PKHD1L1: variants seen among roughly 807,000 people sequenced by gnomAD.
The protein encoded by PKHD1L1 is fibrocystin-L.
A neutral mutation model predicts 462.9 loss-of-function variants in PKHD1L1; 434 were observed. The ratio of observed to expected loss-of-function variants is 0.94; its 90% CI spans 0.87 to 1.02. The LOEUF (loss-of-function observed/expected upper bound fraction) is 1.02, where lower values mean the gene tolerates loss of function less well. Among genes scored for constraint, PKHD1L1 ranks in the 50% least tolerant of loss-of-function variants. PKHD1L1 has a pLI of 0.00. For synonymous variants in PKHD1L1, 1,781 were observed against 1,750.0 expected (o/e 1.02, Z -0.44); for missense variants, 5,202 against 5,096.1 (o/e 1.02, Z -0.63).
rs1820206879 is a variant in PKHD1L1 at position 109,515,236 on chromosome 8, G to A, written c.11620G>A (p.Val3874Ile). The A allele has an allele frequency of 6.2e-7, 1 of 1,602,870 alleles. No individual in the cohort carries two copies. Among genetic ancestry groups the A allele is most frequent in the Non-Finnish European group, 8.5e-7 (1 of 1,172,716 alleles). Reference sequence around the variant, plus strand: ...GGATGTCTATGTGAACAACTTATTGGTCTGTCCAAAAACTACAATATGGAA... The same window carrying A: ...GGATGTCTATGTGAACAACTTATTGATCTGTCCAAAAACTACAATATGGAA... Reference protein sequence around the residue: ...RLDVYVNNLLVCPKTTIWNAQ... With the variant: ...RLDVYVNNLLICPKTTIWNAQ... The change falls in exon 72 of 78, where the codon GTC (valine) becomes ATC (isoleucine). Residue 3874 changes from valine (V) to isoleucine (I), a missense_variant. Physicochemically the swap from Val to Ile is conservative, Grantham distance 29 (BLOSUM62 3). This residue lies in a region of PKHD1L1 where 698 missense variants were observed against 736.3 expected (regional missense o/e 0.95). Coordinates refer to ENST00000378402, the MANE Select transcript of PKHD1L1 (RefSeq NM_177531.6).
Position 109,456,342 on chromosome 8 carries a change from G to GTAACATGGAAACCAGGAGA in PKHD1L1, c.6962_6980dup (p.Ile2327MetfsTer6), listed in dbSNP as rs774108219. 1.7e-5 allele frequency: 28 copies of GTAACATGGAAACCAGGAGA among 1,610,944 alleles called. No homozygotes were observed. Among genetic ancestry groups the GTAACATGGAAACCAGGAGA allele is most frequent in the South Asian group, 1.7e-4 (15 of 90,372 alleles). On this transcript the variant is annotated frameshift_variant, in exon 46 of 78. Coordinates refer to ENST00000378402, the MANE Select transcript of PKHD1L1 (RefSeq NM_177531.6). LOFTEE classifies it high-confidence loss of function. Reference sequence around the variant, plus strand: ...AAGAATTTTAATTTTACAAGAAGCAGTAACATGGAAACCAGGAGATAACAT... The same window carrying GTAACATGGAAACCAGGAGA: ...AAGAATTTTAATTTTACAAGAAGCAGTAACATGGAAACCAGGAGATAACATGGAAACCAGGAGATAACAT...
chr8:109,478,844 G>T (rs1049148051), intron 53 of PKHD1L1, among the ~76,000 whole-genome samples: 9 of 152,032 alleles, frequency 5.9e-5, no homozygotes, highest in Non-Finnish European at 2.9e-5. Flanking sequence ...TTTCATCACT[G>T]GAAATAGTTA....
intron 73 of PKHD1L1, 138 bp downstream of exon 73, chr8:109,518,646 ACC>A: frequency 1.5e-6 from 1 of 655,936 alleles, no homozygotes; most frequent in Non-Finnish European, 2.5e-6. Context: ...GTGCCCAGAG[ACC>A]CTTTTTCCTT....
chr8:109,461,866 A>G lies in PKHD1L1; in HGVS notation c.7341A>G (p.Val2447=), dbSNP rs1817153100. 1.2e-6 allele frequency: 2 copies of G among 1,605,122 alleles called. No homozygotes were observed. The highest frequency in any genetic ancestry group is 1.7e-6 in the Non-Finnish European group (2 of 1,175,412). ...FGGCVMFHAP[V]PGANMVTGRI... ...GCTGCGTTATGTTTCATGCTCCTGTACCTGGTGCTAACATGGTAACTGGGA... is the reference window on the plus strand; with the variant it reads ...GCTGCGTTATGTTTCATGCTCCTGTGCCTGGTGCTAACATGGTAACTGGGA... The change falls in exon 48 of 78, where the codon GTA becomes GTG. Residue 2447 remains valine (V), a synonymous_variant. Transcript: ENST00000378402.
intron 27 of PKHD1L1, among the ~76,000 whole-genome samples, chr8:109,430,563 A>G (rs1563533378): frequency 6.6e-6 from 1 of 152,202 alleles, no homozygotes; most frequent in Non-Finnish European, 1.5e-5. Flanking sequence ...TTCTTCATAA[A>G]TGGTATTATT....
intron 68 of PKHD1L1, among the ~76,000 whole-genome samples, chr8:109,506,383 C>T (rs1819693789): frequency 6.6e-6 from 1 of 152,216 alleles, no homozygotes. Flanking sequence ...ACAAGACTGG[C>T]TGCTTTGTCT....
At position 109,461,779 on chromosome 8, in the gene PKHD1L1, T is replaced by G. The variant is rs776893968; in HGVS notation, c.7254T>G (p.Phe2418Leu). 1.2e-6 allele frequency: 2 copies of G among 1,607,734 alleles called. No homozygotes were observed. The highest frequency in any genetic ancestry group is 4.5e-5 in the East Asian group (2 of 44,770). Reference protein sequence around the residue: ...ACPDGFDTGEFATQTCLQGKF... With the variant: ...ACPDGFDTGELATQTCLQGKF... ...TTAAAAACTGTTTTGAAGGAGAATT[T>G]GCTACACAGACCTGTCTCCAAGGAA... The change falls in exon 48 of 78, where the codon TTT (phenylalanine) becomes TTG (leucine). Residue 2418 changes from phenylalanine (F) to leucine (L), a missense_variant. This residue lies in a region of PKHD1L1 where 4,497 missense variants were observed against 4,336.8 expected (regional missense o/e 1.04). Transcript: ENST00000378402.
rs771127653 is a variant in PKHD1L1 at position 109,443,754 on chromosome 8, C to T, written c.4643C>T (p.Thr1548Ile). ...ATEPLCSLNN[T>I]RVKNSKRLLF... ...GAACCCCTGTGCAGCCTGAACAATACCAGGGTTAAAAATTCAAAAAGATTG... is the reference window on the plus strand; with the variant it reads ...GAACCCCTGTGCAGCCTGAACAATATCAGGGTTAAAAATTCAAAAAGATTG... Residue 1548 changes from threonine (T) to isoleucine (I), a missense_variant, in exon 37 of 78, where the codon ACC becomes ATC. Thr to Ile is a moderately conservative substitution (Grantham distance 89, BLOSUM62 -1). Around this residue, in one of 3 missense-constraint regions of PKHD1L1, gnomAD observed 4,497 missense variants for 4,336.8 expected, o/e 1.04. Coordinates refer to ENST00000378402, the MANE Select transcript of PKHD1L1 (RefSeq NM_177531.6). 5.0e-6 allele frequency: 8 copies of T among 1,613,756 alleles called. No individual in the cohort carries two copies. The South Asian group carries it at 5.5e-5, about 11-fold the overall frequency.
intron 22 of PKHD1L1, 96 bp from the exon 23 acceptor site, chr8:109,420,422 G>A: frequency 3.2e-6 from 2 of 624,564 alleles, no homozygotes; most frequent in Non-Finnish European, 5.0e-6. Flanking sequence ...AGCAACAGAA[G>A]CAATGCAATT....
At position 109,454,724 on chromosome 8, in the gene PKHD1L1, T is replaced by C. The variant is rs1375333318; in HGVS notation, c.6746T>C (p.Ile2249Thr). Residue 2249 changes from isoleucine to threonine, a missense_variant and splice_region_variant, in exon 45 of 78, where the codon ATT becomes ACT. Physicochemically the swap from Ile to Thr is moderately conservative, Grantham distance 89 (BLOSUM62 -1). This residue lies in a region of PKHD1L1 where 4,497 missense variants were observed against 4,336.8 expected (regional missense o/e 1.04). Transcript: ENST00000378402. ...TGGCATTTGTGACATCTTTTGCAGA[T>C]TGGAACAGAGACATCCCCATTCCAA... is the stretch of plus-strand genomic sequence containing the variant. Reference protein sequence around the residue: ...ILITDGGVLQIGTETSPFQHK... With the variant: ...ILITDGGVLQTGTETSPFQHK... The C allele has an allele frequency of 6.2e-7, 1 of 1,613,302 alleles. No individual in the cohort carries two copies. The highest frequency in any genetic ancestry group is 2.2e-5 in the East Asian group (1 of 44,868).
At chr8:109,502,622 C>T (rs866944785) in intron 67 of PKHD1L1, among the ~76,000 whole-genome samples, 43 of 152,312 alleles carry the variant, frequency 2.8e-4, no homozygotes, top group African/African-American at 1.0e-3. Context: ...CACTTAGATC[C>T]TGAGATTTGC....
chr8:109,408,782 G>A (rs1813692492), intron 18 of PKHD1L1, among the ~76,000 whole-genome samples: 2 of 152,168 alleles, frequency 1.3e-5, no homozygotes, highest in Admixed American at 6.5e-5. Context: ...AAAGAGGAGA[G>A]ACGTTTAAAC....
Position 109,444,904 on chromosome 8 carries a change from A to G in PKHD1L1, c.5035A>G (p.Ile1679Val). 1 of 1,614,046 alleles carries G rather than the reference A, an allele frequency of 6.2e-7. No homozygotes were observed. Among genetic ancestry groups the G allele is most frequent in the Non-Finnish European group, 8.5e-7 (1 of 1,179,878 alleles). ...AACTACAGGAATGACAAGCGTGACC[A>G]TAAAAGGCTCTGGATTTGCCGTTTC... ...GSTTGMTSVT[I>V]KGSGFAVSSA... is the part of the protein sequence containing the mutation. The change falls in exon 38 of 78, where the codon ATA (isoleucine) becomes GTA (valine). Residue 1679 changes from isoleucine (I) to valine (V), a missense_variant. Coordinates refer to ENST00000378402, the MANE Select transcript of PKHD1L1 (RefSeq NM_177531.6).
rs755408377 is a variant in PKHD1L1, at chr8:109,523,261, C to T, written c.12359C>T (p.Ala4120Val). Residue 4120 changes from alanine to valine, a missense_variant, in exon 76 of 78, where the codon GCA becomes GTA. By Grantham distance (64) the Ala-to-Val change is moderately conservative. Transcript: ENST00000378402. Reference sequence around the variant, plus strand: ...AACTGTGTATCAGTTGGAATTACTGCACTAACTTTGAGGGCCATACTCAAG... The same window carrying T: ...AACTGTGTATCAGTTGGAATTACTGTACTAACTTTGAGGGCCATACTCAAG... ...DGNCVSVGIT[A>V]LTLRAILKDS... 13 of 1,608,226 alleles carry T rather than the reference C, an allele frequency of 8.1e-6. No individual in the cohort carries two copies. In the African/African-American group the frequency reaches 1.5e-4, roughly 18 times the overall value.
At chr8:109,426,478 G>A (rs959958490) in intron 24 of PKHD1L1, among the ~76,000 whole-genome samples, 1 of 151,690 alleles carries the variant, frequency 6.6e-6, no homozygotes, top group Non-Finnish European at 1.5e-5. Flanking sequence ...TTATTATTTT[G>A]AAATTGATAA....
In PKHD1L1 at chr8:109,384,120, AACT is replaced by A; in HGVS notation, c.469_471del (p.Thr157del). The A allele has an allele frequency of 6.2e-7, 1 of 1,610,010 alleles. No individual in the cohort carries two copies. The highest frequency in any genetic ancestry group is 8.5e-7 in the Non-Finnish European group (1 of 1,176,694). On this transcript the variant is annotated inframe_deletion, in exon 5 of 78. Transcript: ENST00000378402. ...TAAGAAGCATCACACCTTTATCTGG[AACT>A]CCAGGTCTGTTATATGACATCTGAA...
At position 109,364,585 on chromosome 8, in the gene PKHD1L1, C is replaced by G. The variant is rs755645795; in HGVS notation, c.112C>G (p.Pro38Ala). The G allele has an allele frequency of 1.9e-6, 3 of 1,602,978 alleles. No homozygotes were observed. Among genetic ancestry groups the G allele is most frequent in the East Asian group, 2.2e-5 (1 of 44,718 alleles). The change falls in exon 2 of 78, where the codon CCT becomes GCT. Residue 38 changes from proline (P) to alanine (A), a missense_variant. By Grantham distance (27) the Pro-to-Ala change is conservative. Around this residue, in one of 3 missense-constraint regions of PKHD1L1, gnomAD observed 4,497 missense variants for 4,336.8 expected, o/e 1.04. Transcript: ENST00000378402. Reference protein sequence around the residue: ...QIIPKVTEIIPKYGSINGATR... With the variant: ...QIIPKVTEIIAKYGSINGATR... Reference sequence around the variant, plus strand: ...AATCCCCAAAGTCACAGAAATAATACCTAAATATGGCAGTATAAATGGAGC... The same window carrying G: ...AATCCCCAAAGTCACAGAAATAATAGCTAAATATGGCAGTATAAATGGAGC...
intron 2 of PKHD1L1, among the ~76,000 whole-genome samples, chr8:109,381,107 A>G (rs1812088845): frequency 6.6e-6 from 1 of 152,192 alleles, no homozygotes; most frequent in African/African-American, 2.4e-5. Context: ...TTGTTATCCA[A>G]GGGGATGGTG....
intron 61 of PKHD1L1, 123 bp from the exon 62 acceptor site, chr8:109,491,750 T>C: frequency 1.1e-6 from 1 of 937,492 alleles, no homozygotes; most frequent in South Asian, 2.4e-5. Context: ...AGAGGATTGT[T>C]TGTCAGGCTC....
Sources: allele counts gnomAD v4.1 joint callset (sites outside exome capture counted in the v4.1 genomes callset), GRCh38; gene constraint gnomAD v4.1.1; regional missense constraint gnomAD v4.1.1; transcripts MANE v1.5; gene names NCBI Gene and HGNC (gene_info 2026-07-23, HGNC 2026-07-21).